The following AGBL1 variants were observed in gnomAD, a reference collection of about 807,000 sequenced individuals.
AGBL1 encodes the protein cytosolic carboxypeptidase 4.
In AGBL1, 130 loss-of-function variants were observed where a neutral mutation model predicts 118.9. The ratio of observed to expected loss-of-function variants is 1.09; its 90% CI spans 0.95 to 1.26. AGBL1 has a LOEUF of 1.26. Among genes scored for constraint, AGBL1 ranks in the 50% most tolerant of loss-of-function variants. AGBL1 has a pLI of 0.00. For missense variants in AGBL1, 1,584 were observed against 1,298.1 expected (o/e 1.22, Z -3.38); for synonymous variants, 555 against 478.9 (o/e 1.16, Z -2.08).
chr15:86,970,361 C>A (rs946064105), intron 23 of AGBL1, among the ~76,000 whole-genome samples: 2 of 151,906 alleles, frequency 1.3e-5, no homozygotes, highest in Admixed American at 6.6e-5. Flanking sequence ...TTATTGTTGT[C>A]ATTTATGAAT....
chr15:86,163,977 G>A (rs998422219), intron 5 of AGBL1, among the ~76,000 whole-genome samples: 30 of 152,202 alleles, frequency 2.0e-4, no homozygotes, highest in African/African-American at 7.2e-4. Flanking sequence ...TATTGCATGA[G>A]GGAATGAGGT....
At chr15:86,721,907 T>G (rs1216070016) in intron 22 of AGBL1, among the ~76,000 whole-genome samples, 1 of 152,166 alleles carries the variant, frequency 6.6e-6, no homozygotes, top group South Asian at 2.1e-4. Context: ...CCATTCACAA[T>G]TGCTTCAAAG....
intron 22 of AGBL1, among the ~76,000 whole-genome samples, chr15:86,697,413 T>G (rs2086281326): frequency 6.6e-6 from 1 of 151,934 alleles, no homozygotes; most frequent in Non-Finnish European, 1.5e-5. Flanking sequence ...CATTTTGCGT[T>G]TCTCTAAGTG....
intron 21 of AGBL1, among the ~76,000 whole-genome samples, chr15:86,664,828 G>A (rs999348784): frequency 6.8e-6 from 1 of 147,570 alleles, no homozygotes; most frequent in Admixed American, 6.8e-5. Flanking sequence ...AATTTTATTT[G>A]TAGATTTAAA....
chr15:86,942,694 G>T (rs972722707), intron 23 of AGBL1, among the ~76,000 whole-genome samples: 1 of 152,100 alleles, frequency 6.6e-6, no homozygotes, highest in African/African-American at 2.4e-5. Flanking sequence ...GTGATTCAAA[G>T]CCTTTTGTAA....
chr15:86,180,341 A>T (rs1045839992), intron 5 of AGBL1, among the ~76,000 whole-genome samples: 1 of 152,140 alleles, frequency 6.6e-6, no homozygotes, highest in African/African-American at 2.4e-5. Context: ...CAGTGTCAAG[A>T]TAGATTAATG....
intron 6 of AGBL1, among the ~76,000 whole-genome samples, chr15:86,245,093 C>G (rs2141985945): frequency 6.6e-6 from 1 of 152,136 alleles, no homozygotes; most frequent in Admixed American, 6.5e-5. Flanking sequence ...CAAACAAACA[C>G]CAACTGCACA....
At chr15:86,445,332 C>A (rs1213761656) in intron 18 of AGBL1, among the ~76,000 whole-genome samples, 2 of 152,194 alleles carry the variant, frequency 1.3e-5, no homozygotes, top group African/African-American at 4.8e-5. Context: ...TATAGCGATG[C>A]TTCTGGGATG....
intron 18 of AGBL1, among the ~76,000 whole-genome samples, chr15:86,442,484 G>A (rs1262671892): frequency 6.6e-6 from 1 of 152,168 alleles, no homozygotes; most frequent in Non-Finnish European, 1.5e-5. Flanking sequence ...GTCAACCCCG[G>A]AGCCTGAGTC....
chr15:86,171,406 T>A (rs549357612), intron 5 of AGBL1, among the ~76,000 whole-genome samples: 7 of 152,336 alleles, frequency 4.6e-5, no homozygotes, highest in Admixed American at 1.3e-4. Context: ...GTAAGTGTCT[T>A]ATGTATTAAA....
chr15:86,727,663 G>A (rs970870644), intron 22 of AGBL1, among the ~76,000 whole-genome samples: 1 of 152,156 alleles, frequency 6.6e-6, no homozygotes, highest in African/African-American at 2.4e-5. Context: ...GTAAAATAGA[G>A]TTTATCTAAT....
chr15:86,491,888 A>C (rs1466926658), intron 18 of AGBL1, among the ~76,000 whole-genome samples: 1 of 151,950 alleles, frequency 6.6e-6, no homozygotes, highest in Non-Finnish European at 1.5e-5. Context: ...AGCATAGTGA[A>C]AGAATGGGAG....
chr15:86,878,803 T>C (rs2079850551), intron 22 of AGBL1, among the ~76,000 whole-genome samples: 3 of 152,244 alleles, frequency 2.0e-5, no homozygotes, highest in Admixed American at 6.5e-5. Flanking sequence ...CCTGAATGCC[T>C]GGTCTTCCTC....
At position 86,264,785 on chromosome 15, in the gene AGBL1, C is replaced by T; in HGVS notation, c.1614C>T (p.His538=). The T allele has an allele frequency of 6.2e-7, 1 of 1,613,840 alleles. No homozygotes were observed. The highest frequency in any genetic ancestry group is 8.5e-7 in the Non-Finnish European group (1 of 1,179,810). Residue 538 remains histidine (H), a synonymous_variant, in exon 11 of 23, where the codon CAC becomes CAT. Coordinates refer to ENST00000614907, the MANE Select transcript of AGBL1 (RefSeq NM_001386094.1). ...TGGCATTTCCTGATGTCTGGGGACA[C>T]TGTCCCCCTCCCACCACCCAGCCTA... ...KMMAFPDVWG[H]CPPPTTQPML...
chr15:86,264,837 A>G lies in AGBL1; in HGVS notation c.1666A>G (p.Arg556Gly). 1 of 1,587,740 alleles carries G rather than the reference A, an allele frequency of 6.3e-7. No homozygotes were observed. The highest frequency in any genetic ancestry group is 1.2e-5 in the South Asian group (1 of 86,382). Residue 556 changes from arginine (R) to glycine (G), a missense_variant and splice_region_variant, in exon 11 of 23, where the codon AGG becomes GGG. Physicochemically the swap from Arg to Gly is moderately radical, Grantham distance 125. Transcript: ENST00000614907. ...GTTGGAACGAAAATGTGGAGTCCAA[A>G]GGTGATGGCGCTACTGACTTGGGAG... ...PMLERKCGVQ[R>G]IRIFEDIRRL... is the part of the protein sequence containing the mutation.
At chr15:86,746,608 G>C (rs1427651070) in intron 22 of AGBL1, among the ~76,000 whole-genome samples, 1 of 152,026 alleles carries the variant, frequency 6.6e-6, no homozygotes, top group Non-Finnish European at 1.5e-5. Flanking sequence ...TATCCCCAGT[G>C]CTTAGGAGAA....
chr15:86,442,045 T>C (rs972791904), intron 18 of AGBL1, among the ~76,000 whole-genome samples: 1 of 152,202 alleles, frequency 6.6e-6, no homozygotes, highest in African/African-American at 2.4e-5. Flanking sequence ...CCCAATACCC[T>C]CAGGAACTGA....
intron 21 of AGBL1, among the ~76,000 whole-genome samples, chr15:86,629,030 G>T (rs1226964820): frequency 1.3e-5 from 2 of 152,044 alleles, no homozygotes; most frequent in Non-Finnish European, 2.9e-5. Context: ...CAAATTTCGA[G>T]TATACCATAG....
At chr15:86,779,910 A>C (rs1166257791) in intron 22 of AGBL1, among the ~76,000 whole-genome samples, 1 of 113,926 alleles carries the variant, frequency 8.8e-6, no homozygotes, top group African/African-American at 3.0e-5. Flanking sequence ...TATGTGTTGG[A>C]CACCCCCCCA....
Sources: allele counts gnomAD v4.1 joint callset (sites outside exome capture counted in the v4.1 genomes callset), GRCh38; gene constraint gnomAD v4.1.1; transcripts MANE v1.5; gene names NCBI Gene and HGNC (gene_info 2026-07-23, HGNC 2026-07-21).